Variants in SNUPN observed in about 807,000 individuals in gnomAD.
SNUPN encodes snurportin-1.
Under a neutral mutation model 39.2 loss-of-function variants are expected in SNUPN, and 31 were observed. That is an observed-to-expected ratio of 0.79 (90% CI 0.59 to 1.07). The LOEUF is 1.07. Ranked by LOEUF, SNUPN falls within the 50% of genes least tolerant of loss-of-function variation. The pLI, the probability that SNUPN is intolerant of heterozygous loss-of-function variation, is 0.00. For missense variants in SNUPN, 382 were observed against 434.2 expected (o/e 0.88, Z 1.07); for synonymous variants, 132 against 159.0 (o/e 0.83, Z 1.28).
chr15:75,601,535 A>G (rs2075286815), intron 7 of SNUPN, among the ~76,000 whole-genome samples: 1 of 152,178 alleles, frequency 6.6e-6, no homozygotes, highest in Admixed American at 6.6e-5. Flanking sequence ...TGATCATGCC[A>G]CTGCACTCCA....
In SNUPN at chr15:75,613,632, G is replaced by A. The variant is rs80026384; in HGVS notation, c.304-3638C>T. Among the ~76,000 whole-genome samples, 110 of 99,314 alleles carry A rather than the reference G, an allele frequency of 1.1e-3. 2 individuals carry two copies. In the East Asian group the frequency reaches 0.031, roughly 28 times the overall value. 65.2% of individuals were successfully genotyped at this position (99,314 alleles called of 152,430 possible). ...CACTCCAGCCTGGGCAAGAGAGGGA[G>A]ACTCCAACTCAAAAAAAAAAAAAAA... On this transcript the variant is annotated intron_variant, in intron 3 of 8. Transcript: ENST00000308588.
intron 4 of SNUPN, 102 bp from the exon 5 acceptor site, chr15:75,609,753 A>G (rs1892730974): frequency 8.6e-7 from 1 of 1,158,900 alleles, no homozygotes; most frequent in African/African-American, 1.5e-5. Flanking sequence ...GATGGCTCTC[A>G]ACAAACCTTC....
At chr15:75,600,327 T>C (rs990369251) in intron 8 of SNUPN, among the ~76,000 whole-genome samples, 1 of 151,392 alleles carries the variant, frequency 6.6e-6, no homozygotes, top group African/African-American at 2.4e-5. Flanking sequence ...CAGGCTGGAG[T>C]GCAGTGGCTC....
Position 75,619,744 on chromosome 15 carries a change from AT to A in SNUPN, c.158+1149del, listed in dbSNP as rs765186015. On this transcript the variant is annotated intron_variant, in intron 2 of 8. Transcript: ENST00000308588. ...GACCTCACCATATACTCTTCTATTT[AT>A]TTTATTTATTTATTTATTTATTTGA... is the stretch of plus-strand genomic sequence containing the variant. Among the ~76,000 whole-genome samples the A allele has an allele frequency of 6.1e-4, 93 of 151,998 alleles. No homozygotes were observed. The East Asian group carries it at 0.017, about 28-fold the overall frequency.
chr15:75,599,558 A>G (rs572155229), intron 8 of SNUPN, among the ~76,000 whole-genome samples: 2 of 152,202 alleles, frequency 1.3e-5, no homozygotes, highest in South Asian at 4.1e-4. Context: ...CTCCCCCTAA[A>G]TTGTTTGTGA....
At chr15:75,602,092 C>A (rs2141360934) in intron 7 of SNUPN, among the ~76,000 whole-genome samples, 1 of 152,226 alleles carries the variant, frequency 6.6e-6, no homozygotes, top group East Asian at 1.9e-4. Flanking sequence ...TTAAAAATTA[C>A]TGATACTCAG....
intron 4 of SNUPN, 37 bp downstream of exon 4, chr15:75,609,853 C>A (rs778624383): frequency 2.7e-6 from 4 of 1,496,212 alleles, no homozygotes; most frequent in Non-Finnish European, 3.7e-6. Context: ...CCACTACAGA[C>A]CAGGCCTACT....
intron 7 of SNUPN, among the ~76,000 whole-genome samples, chr15:75,604,613 A>G (rs920918339): frequency 2.6e-5 from 4 of 152,224 alleles, no homozygotes; most frequent in African/African-American, 9.6e-5. Context: ...GCATATTTAT[A>G]TAATTTGGTT....
At chr15:75,621,698 G>A (rs767964810) in intron 1 of SNUPN, among the ~76,000 whole-genome samples, 2 of 152,068 alleles carry the variant, frequency 1.3e-5, no homozygotes, top group South Asian at 4.1e-4. Context: ...TAATTCCAGA[G>A]GAAACACTGG....
rs1335882898 is a variant in SNUPN, at chr15:75,621,020, C to G, written c.32G>C (p.Ser11Thr). Reference protein sequence around the residue: MEELSQALASSFSVSQDLNST... With the variant: MEELSQALASTFSVSQDLNST... ...GTTCAGATCTTGAGACACAGAAAAG[C>G]TACTAGCCAGGGCCTGACTCAACTC... The change falls in exon 2 of 9, where the codon AGC becomes ACC. Residue 11 changes from serine (S) to threonine (T), a missense_variant. Transcript: ENST00000308588. The G allele has an allele frequency of 1.2e-6, 2 of 1,613,940 alleles. No individual in the cohort carries two copies. The highest frequency in any genetic ancestry group is 1.7e-6 in the Non-Finnish European group (2 of 1,180,016).
intron 2 of SNUPN, among the ~76,000 whole-genome samples, chr15:75,620,044 C>T (rs116470751): frequency 6.6e-6 from 1 of 152,198 alleles, no homozygotes; most frequent in African/African-American, 2.4e-5. Flanking sequence ...CCACCATGCC[C>T]GGCCTCTTAT....
chr15:75,613,524 T>A (rs1057140127), intron 3 of SNUPN, among the ~76,000 whole-genome samples: 6 of 150,474 alleles, frequency 4.0e-5, no homozygotes, highest in African/African-American at 9.8e-5. Flanking sequence ...GTGCCTGTAG[T>A]CCCAGCTACT....
At chr15:75,607,540 A>G (rs1188821063) in intron 5 of SNUPN, among the ~76,000 whole-genome samples, 2 of 152,206 alleles carry the variant, frequency 1.3e-5, no homozygotes, top group African/African-American at 4.8e-5. Flanking sequence ...GCATCAAGGC[A>G]AACCTTAAGC....
chr15:75,598,831 T>C (rs1053858135), intron 8 of SNUPN, 150 bp from the exon 9 acceptor site: 2 of 562,602 alleles, frequency 3.6e-6, no homozygotes, highest in Non-Finnish European at 6.1e-6. Flanking sequence ...ACACATGCCG[T>C]TTCTCTAAAT....
At chr15:75,619,591 G>A (rs1049704395) in intron 2 of SNUPN, among the ~76,000 whole-genome samples, 1 of 151,958 alleles carries the variant, frequency 6.6e-6, no homozygotes, top group Non-Finnish European at 1.5e-5. Flanking sequence ...GCAGTGAGCC[G>A]GGATCTGCAC....
chr15:75,605,148 A>G lies in SNUPN; in HGVS notation c.678+2T>C. 6.2e-7 allele frequency: 1 copy of G among 1,606,060 alleles called. No individual in the cohort carries two copies. Among genetic ancestry groups the G allele is most frequent in the South Asian group, 1.1e-5 (1 of 90,858 alleles). On this transcript the variant is annotated splice_donor_variant, in intron 7 of 8. Transcript: ENST00000308588. LOFTEE classifies it high-confidence loss of function. ...CTCAGTGATCCTAACACCAGGCCTT[A>G]CAGGATTAAGCTTGGTTTTCTCTCC...
rs185030524 is a variant in SNUPN, at chr15:75,605,088, A to G, written c.678+62T>C. On this transcript the variant is annotated intron_variant, in intron 7 of 8. Transcript: ENST00000308588. ...TTTCATACATAATGATTATATTTAG[A>G]TAACAGACCAATCCACACTACTCCC... is the stretch of plus-strand genomic sequence containing the variant. The G allele has an allele frequency of 1.6e-4, 157 of 996,476 alleles. 1 individual carries two copies. The East Asian group carries it at 3.4e-3, about 21-fold the overall frequency. 61.7% of individuals were successfully genotyped at this position (996,476 alleles called of 1,614,324 possible).
rs1258286144 is a variant in SNUPN, at chr15:75,617,417, A to G, written c.294T>C (p.Tyr98=). ...TCTCTGGACCACTTACTTGATTAGC[A>G]TAGTGTTTTGGTAACTTCTTGACAG... ...IDTVKKLPKH[Y]ANQLMLSEWL... Residue 98 remains tyrosine (Y), a synonymous_variant, in exon 3 of 9, where the codon TAT becomes TAC. Coordinates refer to ENST00000308588, the MANE Select transcript of SNUPN (RefSeq NM_005701.4). 5 of 1,613,662 alleles carry G rather than the reference A, an allele frequency of 3.1e-6. No homozygotes were observed. Among genetic ancestry groups the G allele is most frequent in the East Asian group, 4.5e-5 (2 of 44,880 alleles).
intron 1 of SNUPN, among the ~76,000 whole-genome samples, chr15:75,621,262 C>CTTT (rs67400161): frequency 7.3e-5 from 10 of 137,618 alleles, no homozygotes; most frequent in Non-Finnish European, 9.3e-5. Flanking sequence ...CAGATATTTC[C>CTTT]TTTTTTTTTT....
Sources: allele counts gnomAD v4.1 joint callset (sites outside exome capture counted in the v4.1 genomes callset), GRCh38; gene constraint gnomAD v4.1.1; transcripts MANE v1.5; gene names NCBI Gene and HGNC (gene_info 2026-07-23, HGNC 2026-07-21).